CPNE5: variants seen among roughly 807,000 people sequenced by gnomAD.
The protein encoded by CPNE5 is copine 5, also known as copine-5.
CPNE5 carries 42 observed loss-of-function variants against 81.1 expected under a neutral mutation model. That is an observed-to-expected ratio of 0.52 (90% CI 0.40 to 0.67). The LOEUF (loss-of-function observed/expected upper bound fraction) is 0.67. Ranked by LOEUF, CPNE5 falls within the 30% of genes least tolerant of loss-of-function variation. CPNE5 has a pLI of 0.00. For synonymous variants in CPNE5, 313 were observed against 321.5 expected (o/e 0.97, Z 0.28); for missense variants, 612 against 815.5 (o/e 0.75, Z 3.04).
rs371131671 is a variant in CPNE5, at chr6:36,828,500, C to T, written c.96-5402G>A. On this transcript the variant is annotated intron_variant, in intron 1 of 20. Transcript: ENST00000244751. ...TGGGTGAACTGACCATCACGCATCC[C>T]TGGTTGTCTCTAAACAAAGCCCAGA... is the stretch of plus-strand genomic sequence containing the variant. Among the ~76,000 whole-genome samples, 21 of 152,182 alleles carry T rather than the reference C, an allele frequency of 1.4e-4. No homozygotes were observed. The East Asian group carries it at 2.9e-3, about 21-fold the overall frequency.
At chr6:36,793,710 C>T (rs1769301353) in intron 7 of CPNE5, among the ~76,000 whole-genome samples, 1 of 152,204 alleles carries the variant, frequency 6.6e-6, no homozygotes, top group Admixed American at 6.5e-5. Flanking sequence ...CATGCTCTCC[C>T]TGGGCTGTGA....
At chr6:36,805,115 G>A (rs114965741) in intron 3 of CPNE5, among the ~76,000 whole-genome samples, 1,942 of 152,120 alleles carry the variant, frequency 0.013, 49 homozygotes, top group African/African-American at 0.044. Context: ...CTGAAGAGAC[G>A]TTGAAAAAAA....
In CPNE5 at chr6:36,765,373, G is replaced by A; in HGVS notation, c.741C>T (p.Thr247=). The A allele has an allele frequency of 6.2e-7, 1 of 1,614,150 alleles. No homozygotes were observed. Among genetic ancestry groups the A allele is most frequent in the South Asian group, 1.1e-5 (1 of 91,088 alleles). ...CCCAGTCGTACACCTCCACCTTGATGGTCCTGCAAAACAAAGGCCTTTGCT... is the reference window on the plus strand; with the variant it reads ...CCCAGTCGTACACCTCCACCTTGATAGTCCTGCAAAACAAAGGCCTTTGCT... ...RALCNGDYDR[T]IKVEVYDWDR... Residue 247 remains threonine (T), a synonymous_variant, in exon 11 of 21, where the codon ACC becomes ACT. Coordinates refer to ENST00000244751, the MANE Select transcript of CPNE5 (RefSeq NM_020939.2).
In CPNE5 at chr6:36,792,071, T is replaced by C. The variant is rs766188056; in HGVS notation, c.490A>G (p.Thr164Ala). ...AGCTCCTCAGCGGACAGGATGATGG[T>C]GCCACATTTCTTTCCTGGGACACCA... is the stretch of plus-strand genomic sequence containing the variant. ...NGGVPGKKCG[T>A]IILSAEELSN... is the part of the protein sequence containing the mutation. The change falls in exon 8 of 21, where the codon ACC (threonine) becomes GCC (alanine). Residue 164 changes from threonine (T) to alanine (A), a missense_variant. Thr to Ala is a moderately conservative substitution (Grantham distance 58). Transcript: ENST00000244751. The C allele has an allele frequency of 1.9e-6, 3 of 1,614,012 alleles. No homozygotes were observed. In the South Asian group the frequency reaches 3.3e-5, roughly 18 times the overall value.
At position 36,786,535 on chromosome 6, in the gene CPNE5, C is replaced by G. The variant is rs189755695; in HGVS notation, c.528+5498G>C. Among the ~76,000 whole-genome samples the G allele has an allele frequency of 9.5e-3, 1,440 of 152,284 alleles. 10 individuals are homozygous for G. The highest frequency in any genetic ancestry group is 0.017 in the Non-Finnish European group (1,165 of 68,018). On this transcript the variant is annotated intron_variant, in intron 8 of 20. Transcript: ENST00000244751. ...CCGTTTTCCCTCCCACTCACCGAGC[C>G]TGTGTTTCTGGGATACTAACCAAAA... is the stretch of plus-strand genomic sequence containing the variant.
chr6:36,829,376 A>G (rs148583238), intron 1 of CPNE5, among the ~76,000 whole-genome samples: 1 of 152,108 alleles, frequency 6.6e-6, no homozygotes, highest in Non-Finnish European at 1.5e-5. Context: ...GTGTATCTGT[A>G]GTCCCAGCTA....
intron 12 of CPNE5, among the ~76,000 whole-genome samples, chr6:36,760,217 T>TAA (rs3046065): frequency 0.63 from 87,264 of 138,158 alleles, 28,359 homozygotes; most frequent in Non-Finnish European, 0.73. Flanking sequence ...GACTCCATCT[T>TAA]AAAAAAAAAA....
Position 36,823,084 on chromosome 6 carries a change from T to C in CPNE5, c.110A>G (p.Lys37Arg). The change falls in exon 2 of 21, where the codon AAA (lysine) becomes AGA (arginine). Residue 37 changes from lysine to arginine, a missense_variant. Transcript: ENST00000244751. ...ITVSCRNLLD[K>R]DMFSKSDPLC... Reference sequence around the variant, plus strand: ...TGGGTCGGACTTGGAAAACATGTCTTTGTCCAGGAGGTTCCTGAAAGAGGG... The same window carrying C: ...TGGGTCGGACTTGGAAAACATGTCTCTGTCCAGGAGGTTCCTGAAAGAGGG... 1 of 1,573,636 alleles carries C rather than the reference T, an allele frequency of 6.4e-7. No homozygotes were observed. Among genetic ancestry groups the C allele is most frequent in the Middle Eastern group, 1.8e-4 (1 of 5,524 alleles).
Position 36,778,970 on chromosome 6 carries a change from A to C in CPNE5, c.529-13T>G. 6.4e-7 allele frequency: 1 copy of C among 1,565,384 alleles called. No individual in the cohort carries two copies. Among genetic ancestry groups the C allele is most frequent in the Non-Finnish European group, 8.8e-7 (1 of 1,137,700 alleles). Reference sequence around the variant, plus strand: ...TGGTGGCGACATCCTGGTGGGAGGGAGGGAGAACGGGGTGTGAGGCAGGAG... The same window carrying C: ...TGGTGGCGACATCCTGGTGGGAGGGCGGGAGAACGGGGTGTGAGGCAGGAG... On this transcript the variant is annotated splice_polypyrimidine_tract_variant and intron_variant, in intron 8 of 20. Transcript: ENST00000244751.
At chr6:36,765,503 G>A (rs1032408729) in intron 10 of CPNE5, 127 bp from the exon 11 acceptor site, 1 of 1,079,462 alleles carries the variant, frequency 9.3e-7, no homozygotes, top group African/African-American at 1.6e-5. Flanking sequence ...AGGGCCCTGG[G>A]TGGGGAGGCA....
chr6:36,786,546 G>C (rs903598743), intron 8 of CPNE5, among the ~76,000 whole-genome samples: 1 of 152,038 alleles, frequency 6.6e-6, no homozygotes, highest in Non-Finnish European at 1.5e-5. Flanking sequence ...TGTGTTTCTG[G>C]GATACTAACC....
intron 1 of CPNE5, among the ~76,000 whole-genome samples, chr6:36,835,719 C>T (rs780095049): frequency 2.0e-5 from 3 of 151,930 alleles, no homozygotes; most frequent in Non-Finnish European, 4.4e-5. Context: ...TCACTTGAAC[C>T]CAGAAAGCGG....
chr6:36,776,065 T>G (rs1472274533), intron 9 of CPNE5, among the ~76,000 whole-genome samples: 2 of 152,160 alleles, frequency 1.3e-5, no homozygotes, highest in Non-Finnish European at 2.9e-5. Flanking sequence ...AATTGACTTA[T>G]CCCAGATGGG....
intron 9 of CPNE5, among the ~76,000 whole-genome samples, chr6:36,777,766 C>CCACACACACACACA (rs34423091): frequency 4.9e-4 from 54 of 109,540 alleles, no homozygotes; most frequent in African/African-American, 2.1e-3. Context: ...CCCCCCCCCA[C>CCACACACACACACA]CACACACACA....
rs563480996 is a variant in CPNE5 at position 36,775,084 on chromosome 6, G to A, written c.633-19C>T. ...GGTGAACCTGGTGAAGAAGAAGAGA[G>A]GGAAAGGCTGTCAGGCCCAAACCCA... On this transcript the variant is annotated intron_variant, in intron 9 of 20. Transcript: ENST00000244751. The A allele has an allele frequency of 1.9e-6, 3 of 1,602,896 alleles. No individual in the cohort carries two copies. The highest frequency in any genetic ancestry group is 2.2e-5 in the South Asian group (2 of 90,638).
intron 10 of CPNE5, among the ~76,000 whole-genome samples, chr6:36,774,187 C>T (rs1233129923): frequency 6.6e-6 from 1 of 151,734 alleles, no homozygotes; most frequent in Admixed American, 6.6e-5. Flanking sequence ...AGTTTGATAC[C>T]AGCTTGGACA....
intron 3 of CPNE5, among the ~76,000 whole-genome samples, chr6:36,814,315 A>G (rs1285623534): frequency 6.6e-6 from 1 of 152,238 alleles, no homozygotes; most frequent in East Asian, 1.9e-4. Context: ...AGGCATAACC[A>G]AGATGCTGAA....
intron 1 of CPNE5, among the ~76,000 whole-genome samples, chr6:36,832,658 C>T (rs534250209): frequency 6.8e-6 from 1 of 147,296 alleles, no homozygotes; most frequent in Non-Finnish European, 1.5e-5. Context: ...TATAACCTAC[C>T]TCCAGATTCA....
rs1316535211 is a variant in CPNE5 at position 36,822,152 on chromosome 6, T to A, written c.145A>T (p.Met49Leu). The change falls in exon 3 of 21, where the codon ATG (methionine) becomes TTG (leucine). Residue 49 changes from methionine (M) to leucine (L), a missense_variant. Coordinates refer to ENST00000244751, the MANE Select transcript of CPNE5 (RefSeq NM_020939.2). ...MFSKSDPLCV[M>L]YTQGMENKQW... ...TTGTTCTCCATCCCTTGGGTATACA[T>A]GACGCACACTGCGGGGGGAGGAGAA... 8 of 1,530,156 alleles carry A rather than the reference T, an allele frequency of 5.2e-6. No individual in the cohort carries two copies. The highest frequency in any genetic ancestry group is 6.2e-6 in the Non-Finnish European group (7 of 1,131,610). 94.8% of individuals were successfully genotyped at this position (1,530,156 alleles called of 1,614,324 possible). A position where few individuals can be genotyped will look rare whatever the true frequency, so the allele number is the denominator to read the frequency against.
Sources: gnomAD v4.1 joint callset for allele counts (sites outside exome capture counted in the v4.1 genomes callset) on GRCh38, gnomAD v4.1.1 for gene constraint, MANE v1.5 for transcripts, NCBI Gene and HGNC (gene_info 2026-07-23, HGNC 2026-07-21) for gene names.